The following MYO10 variants were observed in gnomAD, a reference collection of about 807,000 sequenced individuals.
MYO10 encodes the protein unconventional myosin-X.
Under a neutral mutation model 257.3 loss-of-function variants are expected in MYO10, and 133 were observed. The ratio of observed to expected loss-of-function variants is 0.52; its 90% CI spans 0.45 to 0.60. The LOEUF (loss-of-function observed/expected upper bound fraction) is 0.60. Ranked by LOEUF, MYO10 falls within the 20% of genes least tolerant of loss-of-function variation. The pLI is 0.00. For synonymous variants in MYO10, 1,104 were observed against 1,028.6 expected (o/e 1.07, Z -1.40); for missense variants, 2,399 against 2,635.7 (o/e 0.91, Z 1.97).
intron 19 of MYO10, among the ~76,000 whole-genome samples, chr5:16,718,037 G>A (rs1245458411): frequency 6.6e-6 from 1 of 152,212 alleles, no homozygotes; most frequent in African/African-American, 2.4e-5. Flanking sequence ...GGTGGGCCCC[G>A]CACTCGGAGC....
chr5:16,672,926 A>C (rs558977575), intron 36 of MYO10, 101 bp from the exon 37 acceptor site: 2 of 1,365,752 alleles, frequency 1.5e-6, no homozygotes, highest in South Asian at 2.8e-5. Flanking sequence ...CTGCTGGCAC[A>C]AGGGCGTCTC....
At chr5:16,843,209 C>A (rs2126728797) in intron 2 of MYO10, among the ~76,000 whole-genome samples, 1 of 152,326 alleles carries the variant, frequency 6.6e-6, no homozygotes, top group East Asian at 1.9e-4. Flanking sequence ...CTTCCACGTG[C>A]TCCAGCTTCA....
rs1738084315 is a variant in MYO10 at position 16,701,649 on chromosome 5, G to A, written c.2746C>T (p.Leu916=). 1 of 1,613,830 alleles carries A rather than the reference G, an allele frequency of 6.2e-7. No individual in the cohort carries two copies. Among genetic ancestry groups the A allele is most frequent in the Middle Eastern group, 1.7e-4 (1 of 6,058 alleles). The change falls in exon 25 of 41, where the codon CTG becomes TTG. Residue 916 remains leucine (L), a synonymous_variant. Transcript: ENST00000513610. The surrounding 1 kb of genome is among the most constrained non-coding windows in gnomAD (Gnocchi z 8.1). ...QQELSLTEAS[L]QKLQERRDQE... ...TCCCGCCGCTCCTGCAGCTTCTGCA[G>A]GGAAGCCTCGGTCAGCGACAGCTCC...
At chr5:16,909,421 G>T (rs978074248) in intron 1 of MYO10, among the ~76,000 whole-genome samples, 1 of 150,130 alleles carries the variant, frequency 6.7e-6, no homozygotes, top group Admixed American at 6.7e-5. Flanking sequence ...CAGCAGAATC[G>T]CTTGAACCCA....
intron 19 of MYO10, among the ~76,000 whole-genome samples, chr5:16,751,712 C>T (rs914111024): frequency 6.6e-6 from 1 of 151,394 alleles, no homozygotes; most frequent in Non-Finnish European, 1.5e-5. Flanking sequence ...GTCTCCAATT[C>T]CGCCCATCTT....
Position 16,668,257 on chromosome 5 carries a change from G to A in MYO10, c.6075+20C>T, listed in dbSNP as rs1350760311. 1.9e-6 allele frequency: 3 copies of A among 1,585,872 alleles called. No individual in the cohort carries two copies. Among genetic ancestry groups the A allele is most frequent in the Non-Finnish European group, 2.6e-6 (3 of 1,166,084 alleles). ...TTGTCAAGACCATGAATAAAAAGAT[G>A]AACTTGCTTTGCCTCTTACCTCACT... On this transcript the variant is annotated intron_variant, in intron 40 of 40. Coordinates refer to ENST00000513610, the MANE Select transcript of MYO10 (RefSeq NM_012334.3).
At chr5:16,930,664 T>A (rs182963214) in intron 1 of MYO10, among the ~76,000 whole-genome samples, 3 of 152,320 alleles carry the variant, frequency 2.0e-5, no homozygotes, top group Admixed American at 1.3e-4. Context: ...TCACCTACTA[T>A]GTGCCAAGGG....
Position 16,727,857 on chromosome 5 carries a change from C to T in MYO10, c.1930-16612G>A, listed in dbSNP as rs149454373. Among the ~76,000 whole-genome samples the T allele has an allele frequency of 7.7e-3, 1,130 of 146,932 alleles. 7 individuals carry two copies. Among genetic ancestry groups the T allele is most frequent in the African/African-American group, 0.027 (1,056 of 38,906 alleles). On this transcript the variant is annotated intron_variant, in intron 19 of 40. Transcript: ENST00000513610. ...AGATAAAACTGGGGCACATACACTC[C>T]GATCCTTCCCCCCAGCCCAAAAAAA...
At chr5:16,692,810 G>A (rs1182356645) in intron 27 of MYO10, among the ~76,000 whole-genome samples, 1 of 152,130 alleles carries the variant, frequency 6.6e-6, no homozygotes, top group Middle Eastern at 3.2e-3. Flanking sequence ...CTGAATAAGA[G>A]CTAACATTTC....
At chr5:16,842,754 C>G (rs1164978469) in intron 2 of MYO10, among the ~76,000 whole-genome samples, 1 of 151,868 alleles carries the variant, frequency 6.6e-6, no homozygotes, top group Non-Finnish European at 1.5e-5. Context: ...GCAAAAACCC[C>G]ATCTCTACAA....
rs148304225 is a variant in MYO10 at position 16,877,633 on chromosome 5, G to A, written c.96C>T (p.Val32=). 1.5e-4 allele frequency: 237 copies of A among 1,613,662 alleles called. No homozygotes were observed. The East Asian group carries it at 2.1e-3, about 14-fold the overall frequency. The change falls in exon 2 of 41, where the codon GTC becomes GTT. Residue 32 remains valine, a synonymous_variant. Coordinates refer to ENST00000513610, the MANE Select transcript of MYO10 (RefSeq NM_012334.3). ...CCTGACCATAGTCTGTCCGGAAGACGACGATGCCTTCTGCACAGGAATTTA... is the reference window on the plus strand; with the variant it reads ...CCTGACCATAGTCTGTCCGGAAGACAACGATGCCTTCTGCACAGGAATTTA... ...STVNSCAEGI[V]VFRTDYGQVF... is the part of the protein sequence containing the mutation.
intron 2 of MYO10, among the ~76,000 whole-genome samples, chr5:16,832,204 G>C (rs1743183211): frequency 6.6e-6 from 1 of 152,134 alleles, no homozygotes; most frequent in Non-Finnish European, 1.5e-5. Flanking sequence ...GCCTCCCACA[G>C]TGCTAGGATT....
At chr5:16,876,085 G>C (rs1044826465) in intron 2 of MYO10, among the ~76,000 whole-genome samples, 2 of 151,992 alleles carry the variant, frequency 1.3e-5, no homozygotes, top group Non-Finnish European at 2.9e-5. Context: ...TGCACTCCAG[G>C]CTGGGCAACA....
At chr5:16,811,290 C>T (rs1742431945) in intron 3 of MYO10, among the ~76,000 whole-genome samples, 1 of 152,068 alleles carries the variant, frequency 6.6e-6, no homozygotes, top group South Asian at 2.1e-4. Context: ...GTCGCTTGAC[C>T]GTAGCTATGA....
chr5:16,887,720 A>C (rs1744932871), intron 1 of MYO10, among the ~76,000 whole-genome samples: 2 of 151,930 alleles, frequency 1.3e-5, no homozygotes, highest in Non-Finnish European at 2.9e-5. Context: ...CAAACGACTG[A>C]CCTCAGGTGA....
chr5:16,766,051 C>G (rs370205202), intron 11 of MYO10, 29 bp downstream of exon 11: 2 of 1,528,594 alleles, frequency 1.3e-6, no homozygotes, highest in Non-Finnish European at 1.8e-6. Context: ...TGTCTAGTAA[C>G]GCAAGATCAG....
intron 34 of MYO10, among the ~76,000 whole-genome samples, 183 bp from the exon 35 acceptor site, chr5:16,675,333 AC>A (rs1736675718): frequency 1.3e-5 from 2 of 152,186 alleles, no homozygotes; most frequent in Non-Finnish European, 2.9e-5. Flanking sequence ...GTAAGTTGAC[AC>A]TGTTTTGTTA....
intron 3 of MYO10, among the ~76,000 whole-genome samples, chr5:16,804,177 T>C (rs1398628540): frequency 6.6e-6 from 1 of 152,162 alleles, no homozygotes; most frequent in Non-Finnish European, 1.5e-5. Context: ...CTCATCACCA[T>C]GGCTGACGTC....
intron 2 of MYO10, among the ~76,000 whole-genome samples, chr5:16,862,603 T>G (rs1744137100): frequency 6.6e-6 from 1 of 152,238 alleles, no homozygotes. Flanking sequence ...TAGTATTTAT[T>G]TAAGCATTCA....
Sources: gnomAD v4.1 joint callset for allele counts (sites outside exome capture counted in the v4.1 genomes callset) on GRCh38, gnomAD v4.1.1 for gene constraint, Gnocchi (gnomAD v3.1) non-coding constraint, MANE v1.5 for transcripts, NCBI Gene and HGNC (gene_info 2026-07-23, HGNC 2026-07-21) for gene names.